Variants in MASTL observed in about 807,000 individuals in gnomAD.
The protein encoded by MASTL is serine/threonine-protein kinase greatwall.
Under a neutral mutation model 82.5 loss-of-function variants are expected in MASTL, and 54 were observed. The observed-to-expected ratio is 0.65, with a 90% CI of 0.53 to 0.82. The LOEUF is 0.82. MASTL is among the 40% of genes least tolerant of loss of function. MASTL has a pLI of 0.00. For synonymous variants in MASTL, 323 were observed against 368.9 expected, an observed-to-expected ratio of 0.88 and a Z score of 1.43; for missense variants, 950 against 1,047.8, an observed-to-expected ratio of 0.91 and a Z score of 1.29.
At position 27,187,218 on chromosome 10, in the gene MASTL, G is replaced by T. The variant is rs7079339; in HGVS notation, c.*682G>T. Among the ~76,000 whole-genome samples, 15,727 of 151,642 alleles carry T rather than the reference G, an allele frequency of 0.1. 2,683 individuals carry two copies. Among genetic ancestry groups the T allele is most frequent in the African/African-American group, 0.36 (14,713 of 41,378 alleles). ...TGGAGGCTGAGGCAGGAGAATCGCT[G>T]GAACCCAGGAGGAGGAGGTTGTGGT... On this transcript the variant is annotated 3_prime_UTR_variant, in exon 12 of 12. Transcript: ENST00000375940.
intron 11 of MASTL, among the ~76,000 whole-genome samples, chr10:27,183,505 G>C (rs373116115): frequency 1.3e-5 from 2 of 151,972 alleles, no homozygotes; most frequent in Non-Finnish European, 2.9e-5. Context: ...GGATGGTCTC[G>C]ATCTCTTGAC....
Position 27,175,607 on chromosome 10 carries a change from G to T in MASTL, c.2266+2348G>T, listed in dbSNP as rs139891964. Among the ~76,000 whole-genome samples the T allele has an allele frequency of 1.6e-3, 244 of 151,746 alleles. 1 individual carries two copies. Among genetic ancestry groups the T allele is most frequent in the African/African-American group, 5.5e-3 (228 of 41,338 alleles). Reference sequence around the variant, plus strand: ...CTTACCTCTTCTAAATATAGTTCTTGGAGATTCTGCCTTTACCCTTTTTGC... The same window carrying T: ...CTTACCTCTTCTAAATATAGTTCTTTGAGATTCTGCCTTTACCCTTTTTGC... On this transcript the variant is annotated intron_variant, in intron 9 of 11. Transcript: ENST00000375940.
chr10:27,184,695 G>T (rs10764684), intron 11 of MASTL, among the ~76,000 whole-genome samples: 90,826 of 150,912 alleles, frequency 0.6, 27,631 homozygotes, highest in Non-Finnish European at 0.65. Context: ...CAAATAGCTG[G>T]GACTGCAGCT....
At chr10:27,165,916 G>A (rs2057727746) in intron 6 of MASTL, among the ~76,000 whole-genome samples, 2 of 151,652 alleles carry the variant, frequency 1.3e-5, no homozygotes, top group African/African-American at 4.8e-5. Context: ...AACAAAAAAT[G>A]CCCCAAAATT....
At chr10:27,180,359 A>G (rs534966785) in intron 9 of MASTL, among the ~76,000 whole-genome samples, 1 of 150,202 alleles carries the variant, frequency 6.7e-6, no homozygotes, top group South Asian at 2.1e-4. Context: ...CCAAGGTTGC[A>G]GTGAGCTAAC....
At chr10:27,160,713 T>C (rs183465076) in intron 3 of MASTL, among the ~76,000 whole-genome samples, 224 of 150,736 alleles carry the variant, frequency 1.5e-3, no homozygotes, top group African/African-American at 5.3e-3. Context: ...ATTGTGCCAT[T>C]GCACTCCAGC....
At chr10:27,169,384 G>A (rs952983486) in intron 7 of MASTL, among the ~76,000 whole-genome samples, 1 of 151,860 alleles carries the variant, frequency 6.6e-6, no homozygotes, top group Non-Finnish European at 1.5e-5. Flanking sequence ...CCAACATAGT[G>A]AAACCCCATC....
At chr10:27,166,891 T>C (rs2057758787) in intron 6 of MASTL, among the ~76,000 whole-genome samples, 1 of 151,864 alleles carries the variant, frequency 6.6e-6, no homozygotes, top group African/African-American at 2.4e-5. Context: ...TTAGATATAT[T>C]AATAGTATAT....
intron 2 of MASTL, 125 bp downstream of exon 2, chr10:27,158,811 G>T: frequency 1.0e-6 from 1 of 997,952 alleles, no homozygotes; most frequent in Admixed American, 1.8e-5. Flanking sequence ...CACTGCCTTG[G>T]CAAATTTACC....
chr10:27,167,348 A>C (rs2057774547), intron 7 of MASTL, 74 bp downstream of exon 7: 1 of 1,286,178 alleles, frequency 7.8e-7, no homozygotes, highest in Non-Finnish European at 1.1e-6. Flanking sequence ...ATACCTTTTC[A>C]TATAAATTCC....
At position 27,187,770 on chromosome 10, in the gene MASTL, A is replaced by G. The variant is rs780033214; in HGVS notation, c.*1234A>G. 3.3e-5 allele frequency among the ~76,000 whole-genome samples: 5 copies of G among 151,266 alleles called. No individual in the cohort carries two copies. The highest frequency in any genetic ancestry group is 7.4e-5 in the Non-Finnish European group (5 of 67,840). ...CAGTCTCAAAAAAAAAAAAAATACT[A>G]CTGGAACAATTAGGTGTGATATAAT... On this transcript the variant is annotated 3_prime_UTR_variant, in exon 12 of 12. Transcript: ENST00000375940.
intron 1 of MASTL, among the ~76,000 whole-genome samples, chr10:27,156,643 G>C (rs1445500841): frequency 1.4e-5 from 2 of 146,038 alleles, no homozygotes; most frequent in Non-Finnish European, 3.0e-5. Context: ...GGGATTACAG[G>C]CGCGCGCCAC....
chr10:27,158,049 A>C (rs1206073353), intron 1 of MASTL, among the ~76,000 whole-genome samples: 1 of 152,158 alleles, frequency 6.6e-6, no homozygotes. Context: ...AGATTATGAT[A>C]CTTCTGCCAT....
At chr10:27,164,266 C>T (rs1188842327) in intron 4 of MASTL, among the ~76,000 whole-genome samples, 1 of 152,192 alleles carries the variant, frequency 6.6e-6, no homozygotes, top group Admixed American at 6.5e-5. Flanking sequence ...ACCTCAGCCT[C>T]CCCAGTAGCT....
At chr10:27,164,928 G>A (rs1339787460) in intron 4 of MASTL, 136 bp from the exon 5 acceptor site, 14 of 655,288 alleles carry the variant, frequency 2.1e-5, no homozygotes, top group Admixed American at 4.6e-5. Flanking sequence ...GTGAGCCACC[G>A]TGCCCAGCCA....
chr10:27,176,842 CTTTTTTCT>C (rs1245644961), intron 9 of MASTL, among the ~76,000 whole-genome samples: 1 of 121,388 alleles, frequency 8.2e-6, no homozygotes, highest in Non-Finnish European at 1.6e-5. Context: ...AGTTTTCTTT[CTTTTTTCT>C]TTTTTTTTTT....
intron 6 of MASTL, 90 bp downstream of exon 6, chr10:27,165,629 T>C (rs1326882286): frequency 2.1e-6 from 3 of 1,426,146 alleles, no homozygotes; most frequent in African/African-American, 2.8e-5. Flanking sequence ...TTCTTTCTTT[T>C]TGAGACGGAG....
At chr10:27,183,546 G>A (rs2058452178) in intron 11 of MASTL, among the ~76,000 whole-genome samples, 2 of 152,058 alleles carry the variant, frequency 1.3e-5, no homozygotes, top group South Asian at 4.1e-4. Flanking sequence ...GCCTCCCAAA[G>A]TGCTGGGATT....
At chr10:27,181,710 G>A (rs2058319334) in intron 11 of MASTL, 129 bp downstream of exon 11, 1 of 641,006 alleles carries the variant, frequency 1.6e-6, no homozygotes, top group Admixed American at 2.1e-5. Flanking sequence ...GGAGGCTGAG[G>A]CGGGCTGATC....
Sources: allele counts gnomAD v4.1 joint callset (sites outside exome capture counted in the v4.1 genomes callset), GRCh38; gene constraint gnomAD v4.1.1; transcripts MANE v1.5; gene names NCBI Gene and HGNC (gene_info 2026-07-23, HGNC 2026-07-21).